The following BRAF variants were observed in gnomAD, a reference collection of about 807,000 sequenced individuals.
The protein encoded by BRAF is B-Raf proto-oncogene, serine/threonine kinase.
In BRAF, 16 loss-of-function variants were observed where a neutral mutation model predicts 104.6. That is an observed-to-expected ratio of 0.15 (90% CI 0.10 to 0.23). BRAF has a LOEUF of 0.23. Ranked by LOEUF, BRAF falls within the 10% of genes least tolerant of loss-of-function variation. The pLI, the probability that BRAF is intolerant of heterozygous loss-of-function variation, is 1.00. For missense variants in BRAF, 541 were observed against 937.3 expected (o/e 0.58, Z 5.52); for synonymous variants, 310 against 341.6 (o/e 0.91, Z 1.02).
chr7:140,719,255 G>A, downstream of BRAF: 1 of 604,444 alleles, frequency 1.7e-6, no homozygotes, highest in Non-Finnish European at 2.1e-6. Flanking sequence ...TCTCTCCATT[G>A]TCTAGAAAAA....
At position 140,924,743 on chromosome 7, in the gene BRAF, G is replaced by A. The variant is rs1276730499; in HGVS notation, c.-40C>T. The A allele has an allele frequency of 6.9e-6, 5 of 728,690 alleles. No homozygotes were observed. The highest frequency in any genetic ancestry group is 4.7e-5 in the Admixed American group (2 of 42,164). The allele number at this position is 728,690 out of a possible 1,614,324, so 45.1% of individuals were successfully genotyped here. A position where few individuals can be genotyped will look rare whatever the true frequency, so the allele number is the denominator to read the frequency against. On this transcript the variant is annotated 5_prime_UTR_variant, in exon 1 of 20. Transcript: ENST00000644969. This position sits in a 1 kb window ranked among gnomAD's most constrained non-coding sequence, Gnocchi z 4.2. The stretch of plus-strand genomic sequence containing the variant: ...CCGGGGCCCGAGCGGCCGCTGTCGG[G>A]CGGGGAGGGGGAAGGGAGGCGGAGA...
At chr7:140,764,005 T>A (rs1038745704) in intron 14 of BRAF, among the ~76,000 whole-genome samples, 1 of 152,130 alleles carries the variant, frequency 6.6e-6, no homozygotes, top group Non-Finnish European at 1.5e-5. Flanking sequence ...AAAAGAGAAT[T>A]TTAGACCGAT....
rs531326660 is a variant in BRAF at position 140,730,238 on chromosome 7, A to T, written c.2402-3722T>A. On this transcript the variant is annotated intron_variant, in intron 19 of 19. Coordinates refer to ENST00000644969, the MANE Select transcript of BRAF (RefSeq NM_001374258.1). ...AACTCTGCTTGTGTGAAGTTATTTG[A>T]AGTGAAATACCTAGATACTCTATGT... Among the ~76,000 whole-genome samples, 155 of 151,986 alleles carry T rather than the reference A, an allele frequency of 1.0e-3. 2 individuals carry two copies. Among genetic ancestry groups the T allele is most frequent in the South Asian group, 6.4e-3 (31 of 4,810 alleles).
At chr7:140,813,828 A>T (rs1178276878) in intron 3 of BRAF, among the ~76,000 whole-genome samples, 2 of 152,150 alleles carry the variant, frequency 1.3e-5, no homozygotes, top group Non-Finnish European at 2.9e-5. Context: ...TCTATATTTT[A>T]AAAACCATGA....
chr7:140,783,863 T>A (rs763192807), intron 10 of BRAF, among the ~76,000 whole-genome samples: 5 of 152,236 alleles, frequency 3.3e-5, no homozygotes, highest in Non-Finnish European at 7.3e-5. Context: ...AGAGCTTTGT[T>A]AAGTAAGCGC....
At chr7:140,808,183 C>T (rs1803852724) in intron 4 of BRAF, 121 bp from the exon 5 acceptor site, 3 of 748,332 alleles carry the variant, frequency 4.0e-6, no homozygotes, top group Non-Finnish European at 7.2e-6. Flanking sequence ...GGTTTGGCTC[C>T]CTAATATTCC....
chr7:140,782,569 T>C (rs1205957562), intron 11 of BRAF, among the ~76,000 whole-genome samples: 1 of 152,180 alleles, frequency 6.6e-6, no homozygotes, highest in East Asian at 1.9e-4. Flanking sequence ...TCGTTTTTTA[T>C]TTTTAAATTT....
At chr7:140,791,362 C>G (rs911558085) in intron 8 of BRAF, among the ~76,000 whole-genome samples, 2 of 152,156 alleles carry the variant, frequency 1.3e-5, no homozygotes, top group Admixed American at 1.3e-4. Context: ...GCAACTGACA[C>G]CAACTACTTT....
intron 3 of BRAF, among the ~76,000 whole-genome samples, chr7:140,816,225 C>T (rs1359184671): frequency 6.6e-6 from 1 of 152,170 alleles, no homozygotes; most frequent in East Asian, 1.9e-4. Context: ...AGTGTTTTTA[C>T]AAACTGTACC....
intron 1 of BRAF, among the ~76,000 whole-genome samples, chr7:140,887,498 C>T (rs1337984905): frequency 1.3e-5 from 2 of 151,808 alleles, no homozygotes; most frequent in Non-Finnish European, 2.9e-5. Context: ...AGGTGGAGGT[C>T]AGTTCAGAGA....
chr7:140,763,016 C>T (rs1428969533), intron 14 of BRAF, among the ~76,000 whole-genome samples: 1 of 152,248 alleles, frequency 6.6e-6, no homozygotes, highest in African/African-American at 2.4e-5. Context: ...TCTTTCTACA[C>T]AGACACGGCA....
chr7:140,904,024 T>C (rs1183175599), intron 1 of BRAF, among the ~76,000 whole-genome samples: 1 of 152,254 alleles, frequency 6.6e-6, no homozygotes, highest in Non-Finnish European at 1.5e-5. Flanking sequence ...GAGCAAACAC[T>C]GTTAAAATGA....
intron 3 of BRAF, among the ~76,000 whole-genome samples, chr7:140,820,210 T>G (rs1025985155): frequency 6.6e-6 from 1 of 152,228 alleles, no homozygotes; most frequent in African/African-American, 2.4e-5. Context: ...AAAAATCTGT[T>G]AACATTCCAT....
intron 17 of BRAF, among the ~76,000 whole-genome samples, chr7:140,742,345 C>T (rs1022296892): frequency 6.6e-6 from 1 of 152,056 alleles, no homozygotes; most frequent in African/African-American, 2.4e-5. Context: ...GTGCACACCA[C>T]CATGCCTGGC....
intron 1 of BRAF, among the ~76,000 whole-genome samples, chr7:140,893,501 G>A (rs562534175): frequency 6.6e-6 from 1 of 151,936 alleles, no homozygotes; most frequent in Non-Finnish European, 1.5e-5. Flanking sequence ...TGCCCACCTC[G>A]GCCTCCCAAA....
intron 1 of BRAF, among the ~76,000 whole-genome samples, chr7:140,885,206 T>C (rs186352481): frequency 6.6e-5 from 10 of 152,268 alleles, no homozygotes; most frequent in Non-Finnish European, 1.3e-4. Flanking sequence ...TTTCATCATG[T>C]TGGCCAGGCT....
Position 140,924,618 on chromosome 7 carries a change from G to T in BRAF, c.86C>A (p.Ala29Asp). The change falls in exon 1 of 20, where the codon GCC becomes GAC. Residue 29 changes from alanine (A) to aspartate (D), a missense_variant. Around this residue, in one of 10 missense-constraint regions of BRAF, gnomAD observed 82 missense variants for 65.9 expected, o/e 1.24. Coordinates refer to ENST00000644969, the MANE Select transcript of BRAF (RefSeq NM_001374258.1). The surrounding 1 kb of genome is among the most constrained non-coding windows in gnomAD (Gnocchi z 4.2). ...FNGDMEPEAG[A>D]GAGAAASSAA... is the part of the protein sequence containing the mutation. ...CGAAGAGGCCGCGGCGCCGGCGCCG[G>T]CGCCGGCCTCGGGCTCCATGTCCCC... 6.5e-7 allele frequency: 1 copy of T among 1,527,024 alleles called. No homozygotes were observed. The highest frequency in any genetic ancestry group is 8.8e-7 in the Non-Finnish European group (1 of 1,142,844). 94.6% of individuals were successfully genotyped at this position (1,527,024 alleles called of 1,614,324 possible).
intron 12 of BRAF, chr7:140,780,690 A>G (rs1800782785): frequency 6.6e-6 from 1 of 152,180 alleles, no homozygotes; most frequent in Non-Finnish European, 1.5e-5. Context: ...TTTAACTCCT[A>G]TATAATCACA....
At position 140,924,223 on chromosome 7, in the gene BRAF, C is replaced by T. The variant is rs1021784630; in HGVS notation, c.138+343G>A. 2.6e-5 allele frequency among the ~76,000 whole-genome samples: 4 copies of T among 151,964 alleles called. No homozygotes were observed. Among genetic ancestry groups the T allele is most frequent in the Non-Finnish European group, 5.9e-5 (4 of 67,966 alleles). Reference sequence around the variant, plus strand: ...CGTCGAGGCCGCCGCCGCCCCCACCCCACAGAGATGCAGAGCTGGATACTT... The same window carrying T: ...CGTCGAGGCCGCCGCCGCCCCCACCTCACAGAGATGCAGAGCTGGATACTT... On this transcript the variant is annotated intron_variant, in intron 1 of 19. Transcript: ENST00000644969. This position sits in a 1 kb window ranked among gnomAD's most constrained non-coding sequence, Gnocchi z 4.2.
Sources: allele counts gnomAD v4.1 joint callset (sites outside exome capture counted in the v4.1 genomes callset), GRCh38; gene constraint gnomAD v4.1.1; regional missense constraint gnomAD v4.1.1; non-coding constraint Gnocchi (gnomAD v3.1); transcripts MANE v1.5; gene names NCBI Gene and HGNC (gene_info 2026-07-23, HGNC 2026-07-21).